LRRC20: variants seen among roughly 807,000 people sequenced by gnomAD.
The protein encoded by LRRC20 is leucine-rich repeat-containing protein 20.
A neutral mutation model predicts 14.4 loss-of-function variants in LRRC20; 11 were observed. That is an observed-to-expected ratio of 0.77 (90% CI 0.48 to 1.27). LRRC20 has a LOEUF of 1.27. Among genes scored for constraint, LRRC20 ranks in the 50% most tolerant of loss-of-function variants. LRRC20 has a pLI of 0.00. For synonymous variants in LRRC20, 121 were observed against 107.3 expected, an observed-to-expected ratio of 1.13 and a Z score of -0.79; for missense variants, 219 against 251.2, an observed-to-expected ratio of 0.87 and a Z score of 0.87.
intron 2 of LRRC20, among the ~76,000 whole-genome samples, chr10:70,373,064 T>C (rs1486121838): frequency 2.0e-5 from 3 of 152,252 alleles, no homozygotes; most frequent in African/African-American, 4.8e-5. Flanking sequence ...TGAGCCAAGA[T>C]TGTGCCATGG....
intron 1 of LRRC20, among the ~76,000 whole-genome samples, chr10:70,380,459 G>T (rs1246723127): frequency 2.0e-5 from 3 of 147,690 alleles, no homozygotes; most frequent in Non-Finnish European, 3.1e-5. Context: ...AGCTCCTCAG[G>T]GTACCTGGTC....
At chr10:70,310,044 T>C (rs900331877) in intron 4 of LRRC20, among the ~76,000 whole-genome samples, 2 of 152,232 alleles carry the variant, frequency 1.3e-5, no homozygotes, top group Non-Finnish European at 2.9e-5. Context: ...GAGCAGGGAT[T>C]AGGTATAGCT....
At chr10:70,324,221 G>T (rs3829178) in intron 3 of LRRC20, among the ~76,000 whole-genome samples, 191 bp from the exon 4 acceptor site, 4 of 152,116 alleles carry the variant, frequency 2.6e-5, no homozygotes, top group African/African-American at 9.7e-5. Flanking sequence ...CCCTCCTACC[G>T]CTGCCCGGGG....
rs200710168 is a variant in LRRC20, at chr10:70,323,989, C to T, written c.274G>A (p.Glu92Lys). Reference sequence around the variant, plus strand: ...TTGAGGTGCTGCAGGGCACTGACCTCGCTGGGGAGGCGGTGTAGGAAGTTC... The same window carrying T: ...TTGAGGTGCTGCAGGGCACTGACCTTGCTGGGGAGGCGGTGTAGGAAGTTC... ...EGNFLHRLPS[E>K]VSALQHLKAI... The change falls in exon 4 of 5, where the codon GAG becomes AAG. Residue 92 changes from glutamate (E) to lysine (K), a missense_variant. Transcript: ENST00000446961. 9 of 1,613,578 alleles carry T rather than the reference C, an allele frequency of 5.6e-6. No individual in the cohort carries two copies. Among genetic ancestry groups the T allele is most frequent in the Middle Eastern group, 1.6e-4 (1 of 6,084 alleles).
intron 2 of LRRC20, among the ~76,000 whole-genome samples, 155 bp from the exon 3 acceptor site, chr10:70,340,857 T>G (rs1006764387): frequency 1.3e-5 from 2 of 152,000 alleles, no homozygotes; most frequent in Non-Finnish European, 1.5e-5. Context: ...CTGCCCTCCC[T>G]CTTCCAGGAG....
intron 4 of LRRC20, among the ~76,000 whole-genome samples, chr10:70,322,111 C>A (rs937914306): frequency 5.5e-5 from 3 of 54,636 alleles, no homozygotes; most frequent in African/African-American, 1.4e-4. Context: ...ACCCAGTCGA[C>A]CCGCTCCCTT....
chr10:70,314,568 A>G (rs1353773119), intron 4 of LRRC20, among the ~76,000 whole-genome samples: 1 of 152,218 alleles, frequency 6.6e-6, no homozygotes, highest in Admixed American at 6.5e-5. Flanking sequence ...TTAAAAAATC[A>G]TGAAGCCCGA....
At chr10:70,346,836 A>G (rs74801818) in intron 2 of LRRC20, among the ~76,000 whole-genome samples, 2,014 of 152,360 alleles carry the variant, frequency 0.013, 51 homozygotes, top group African/African-American at 0.046. Flanking sequence ...TTTGCCAAGT[A>G]TCTGTATACA....
At chr10:70,344,730 C>T (rs548138599) in intron 2 of LRRC20, among the ~76,000 whole-genome samples, 1 of 152,214 alleles carries the variant, frequency 6.6e-6, no homozygotes, top group East Asian at 1.9e-4. Context: ...TCAAACCCGG[C>T]TAATTTTTGT....
intron 4 of LRRC20, among the ~76,000 whole-genome samples, chr10:70,318,798 TTTTG>T (rs1378687416): frequency 6.6e-6 from 1 of 152,034 alleles, no homozygotes; most frequent in African/African-American, 2.4e-5. Flanking sequence ...ATCAATTATT[TTTTG>T]TTTGTTTTTG....
chr10:70,376,637 C>CAGGG, intron 1 of LRRC20, 41 bp from the exon 2 acceptor site: 1 of 1,071,740 alleles, frequency 9.3e-7, no homozygotes, highest in Non-Finnish European at 1.4e-6. Context: ...GCCTGCCAGC[C>CAGGG]AGGGGCCCAC....
intron 3 of LRRC20, among the ~76,000 whole-genome samples, chr10:70,335,642 C>G (rs758550667): frequency 3.9e-5 from 6 of 152,224 alleles, no homozygotes; most frequent in Admixed American, 1.3e-4. Flanking sequence ...GCCTTTTCCA[C>G]AGGGCCTATC....
At chr10:70,306,718 G>A (rs906573920) in intron 4 of LRRC20, among the ~76,000 whole-genome samples, 4 of 152,026 alleles carry the variant, frequency 2.6e-5, no homozygotes, top group Non-Finnish European at 5.9e-5. Flanking sequence ...CATCTTAAGA[G>A]CGTGCAAATA....
rs1842173204 is a variant in LRRC20, at chr10:70,323,398, C to G, written c.400+465G>C. Among the ~76,000 whole-genome samples, 3 of 152,126 alleles carry G rather than the reference C, an allele frequency of 2.0e-5. No homozygotes were observed. In the South Asian group the frequency reaches 6.2e-4, roughly 32 times the overall value. ...TGAGGGCCCTGGCAGGCTGGGCTGACAGGGAGCAGCGTGTTTGTTCTGGAA... is the reference window on the plus strand; with the variant it reads ...TGAGGGCCCTGGCAGGCTGGGCTGAGAGGGAGCAGCGTGTTTGTTCTGGAA... On this transcript the variant is annotated intron_variant, in intron 4 of 4. Transcript: ENST00000446961.
At chr10:70,314,506 C>G (rs1409517887) in intron 4 of LRRC20, among the ~76,000 whole-genome samples, 1 of 152,104 alleles carries the variant, frequency 6.6e-6, no homozygotes, top group Non-Finnish European at 1.5e-5. Context: ...AGTGAATTTG[C>G]TTTCCTGGGC....
intron 2 of LRRC20, among the ~76,000 whole-genome samples, chr10:70,359,919 C>T (rs1238001042): frequency 3.7e-4 from 52 of 141,632 alleles, no homozygotes; most frequent in African/African-American, 1.3e-3. Flanking sequence ...TTTTCTTTTT[C>T]TTTTTTTTTT....
intron 4 of LRRC20, among the ~76,000 whole-genome samples, chr10:70,301,981 G>A (rs1472237656): frequency 2.6e-5 from 4 of 152,102 alleles, no homozygotes; most frequent in South Asian, 2.1e-4. Flanking sequence ...TTAAAGGAAC[G>A]CAATTCCGAT....
chr10:70,305,859 G>C (rs985679590), intron 4 of LRRC20, among the ~76,000 whole-genome samples: 1 of 151,374 alleles, frequency 6.6e-6, no homozygotes, highest in African/African-American at 2.4e-5. Context: ...TCCTGCCTCA[G>C]CCTCCCAAGT....
intron 3 of LRRC20, among the ~76,000 whole-genome samples, chr10:70,328,382 C>T (rs1455942031): frequency 2.0e-5 from 3 of 151,856 alleles, no homozygotes; most frequent in Non-Finnish European, 2.9e-5. Context: ...CTGCAACCTC[C>T]GCTCCCTGGG....
Sources: allele counts gnomAD v4.1 joint callset (sites outside exome capture counted in the v4.1 genomes callset), GRCh38; gene constraint gnomAD v4.1.1; transcripts MANE v1.5; gene names NCBI Gene and HGNC (gene_info 2026-07-23, HGNC 2026-07-21).